The following PSD3 variants were observed in gnomAD, a reference collection of about 807,000 sequenced individuals.
PSD3 encodes the protein pleckstrin and Sec7 domain containing 3.
In PSD3, 49 loss-of-function variants were observed where a neutral mutation model predicts 105.5. That is an observed-to-expected ratio of 0.46 (90% CI 0.37 to 0.59). The LOEUF (loss-of-function observed/expected upper bound fraction) is 0.59. Among genes scored for constraint, PSD3 ranks in the 20% least tolerant of loss-of-function variants. PSD3 has a pLI of 0.00. For missense variants in PSD3, 1,561 were observed against 1,263.8 expected (o/e 1.24, Z -3.57); for synonymous variants, 557 against 457.8 (o/e 1.22, Z -2.77).
At chr8:19,046,424 T>C (rs769897455) in intron 1 of PSD3, among the ~76,000 whole-genome samples, 18 of 152,200 alleles carry the variant, frequency 1.2e-4, no homozygotes, top group Non-Finnish European at 2.5e-4. Context: ...CTAGATCTTA[T>C]ACTTCTGACC....
chr8:18,997,313 G>A (rs1282040141), intron 1 of PSD3, among the ~76,000 whole-genome samples: 1 of 151,758 alleles, frequency 6.6e-6, no homozygotes, highest in Non-Finnish European at 1.5e-5. Flanking sequence ...AAGATGCACA[G>A]GCCAGTATTT....
intron 1 of PSD3, among the ~76,000 whole-genome samples, chr8:19,022,939 A>G (rs922193146): frequency 2.6e-5 from 4 of 151,038 alleles, no homozygotes; most frequent in African/African-American, 9.8e-5. Flanking sequence ...TGTGTATTAC[A>G]CTGTCACCTC....
Position 18,535,697 on chromosome 8 carries a change from A to C in PSD3, c.*46T>G. On this transcript the variant is annotated 3_prime_UTR_variant, in exon 16 of 16. Transcript: ENST00000327040. The stretch of plus-strand genomic sequence containing the variant: ...CGGATTACCAGAAAGATCTTGAAAA[A>C]CCCTATTTTGCTCCATGACCAGCAC... 6.8e-7 allele frequency: 1 copy of C among 1,478,188 alleles called. No homozygotes were observed. The highest frequency in any genetic ancestry group is 9.5e-7 in the Non-Finnish European group (1 of 1,057,654). The allele number at this position is 1,478,188 out of a possible 1,614,324, so 91.6% of individuals were successfully genotyped here.
chr8:19,044,948 GC>G (rs1255793599), intron 1 of PSD3, among the ~76,000 whole-genome samples: 3 of 152,184 alleles, frequency 2.0e-5, no homozygotes, highest in African/African-American at 7.2e-5. Flanking sequence ...ACTTTGGGAG[GC>G]CAAGGTGGAT....
At chr8:19,035,338 G>T (rs559152643) in intron 1 of PSD3, among the ~76,000 whole-genome samples, 83 of 152,182 alleles carry the variant, frequency 5.5e-4, no homozygotes, top group Admixed American at 8.5e-4. Context: ...AAATAGTTTC[G>T]TTTAATTAGT....
chr8:18,940,545 C>G (rs1331620694), intron 1 of PSD3: 1 of 152,186 alleles, frequency 6.6e-6, no homozygotes, highest in Non-Finnish European at 1.5e-5. Flanking sequence ...TAACATACTC[C>G]ACCTTGCTAA....
intron 8 of PSD3, among the ~76,000 whole-genome samples, chr8:18,768,602 C>T (rs1201313169): frequency 1.3e-5 from 2 of 152,112 alleles, no homozygotes; most frequent in Non-Finnish European, 2.9e-5. Flanking sequence ...CAAGAAGACG[C>T]ACAGGCATCA....
At chr8:18,682,072 G>T (rs1800420846) in intron 9 of PSD3, among the ~76,000 whole-genome samples, 1 of 151,642 alleles carries the variant, frequency 6.6e-6, no homozygotes, top group South Asian at 2.1e-4. Context: ...TACCTGTACT[G>T]TGTGACAAAC....
At chr8:18,574,626 C>T (rs1382187930) in intron 13 of PSD3, among the ~76,000 whole-genome samples, 2 of 152,140 alleles carry the variant, frequency 1.3e-5, no homozygotes, top group African/African-American at 4.8e-5. Flanking sequence ...AAAAAATAAA[C>T]ATTTACATTT....
intron 1 of PSD3, among the ~76,000 whole-genome samples, chr8:19,033,804 T>A (rs1331898474): frequency 1.3e-5 from 2 of 152,074 alleles, no homozygotes; most frequent in Non-Finnish European, 2.9e-5. Context: ...CTGTATGGAT[T>A]TTAGTGGTTT....
chr8:18,838,578 G>A (rs1309254046), intron 4 of PSD3, among the ~76,000 whole-genome samples: 5 of 151,978 alleles, frequency 3.3e-5, no homozygotes, highest in Admixed American at 3.3e-4. Context: ...GAGGCGGGCG[G>A]ATCATGAGGT....
chr8:18,757,163 T>C (rs1324153439), intron 9 of PSD3, among the ~76,000 whole-genome samples: 1 of 149,952 alleles, frequency 6.7e-6, no homozygotes, highest in Non-Finnish European at 1.5e-5. Flanking sequence ...AAATAAACAT[T>C]AACTGGGATC....
chr8:18,762,812 C>T (rs1806650572), intron 9 of PSD3: 1 of 655,390 alleles, frequency 1.5e-6, no homozygotes. Flanking sequence ...ATTTCTCACA[C>T]ATTTAAATAT....
intron 9 of PSD3, among the ~76,000 whole-genome samples, chr8:18,659,753 G>A (rs1490636836): frequency 1.3e-5 from 2 of 152,306 alleles, no homozygotes; most frequent in South Asian, 2.1e-4. Context: ...TGATGGGCTG[G>A]CTGCACTGAT....
intron 9 of PSD3, among the ~76,000 whole-genome samples, chr8:18,659,414 A>G (rs1374247960): frequency 6.6e-6 from 1 of 152,218 alleles, no homozygotes; most frequent in Non-Finnish European, 1.5e-5. Context: ...AGAGATCATG[A>G]AACAAAGGTT....
chr8:18,939,246 G>T (rs1019508862), intron 1 of PSD3, among the ~76,000 whole-genome samples: 5 of 152,154 alleles, frequency 3.3e-5, no homozygotes, highest in African/African-American at 1.2e-4. Flanking sequence ...GAGAATTCTG[G>T]AAGTTCATGA....
At chr8:18,810,018 G>C (rs757612542) in intron 4 of PSD3, among the ~76,000 whole-genome samples, 1 of 151,970 alleles carries the variant, frequency 6.6e-6, no homozygotes, top group Non-Finnish European at 1.5e-5. Context: ...TTTCCAAGCT[G>C]ACCCCAATTT....
Position 18,895,563 on chromosome 8 carries a change from A to G in PSD3, c.131-22830T>C, listed in dbSNP as rs144049451. Among the ~76,000 whole-genome samples the G allele has an allele frequency of 2.0e-3, 305 of 152,186 alleles. 9 individuals are homozygous for G. Among genetic ancestry groups the G allele is most frequent in the Admixed American group, 0.016 (249 of 15,298 alleles). On this transcript the variant is annotated intron_variant, in intron 2 of 15. Transcript: ENST00000327040. ...AACACTGGTTCATATCTTCCAATCC[A>G]CTCTAAGCAAGTTTGCTAGATTAAT...
chr8:18,963,016 T>C (rs1299770946), intron 1 of PSD3, among the ~76,000 whole-genome samples: 2 of 152,154 alleles, frequency 1.3e-5, no homozygotes, highest in Non-Finnish European at 2.9e-5. Flanking sequence ...GAGGTTTAAT[T>C]GGACTTAAAG....
Sources: allele counts gnomAD v4.1 joint callset (sites outside exome capture counted in the v4.1 genomes callset), GRCh38; gene constraint gnomAD v4.1.1; transcripts MANE v1.5; gene names NCBI Gene and HGNC (gene_info 2026-07-23, HGNC 2026-07-21).